PLCB1: variants seen among roughly 807,000 people sequenced by gnomAD.
PLCB1 encodes the protein 1-phosphatidylinositol 4,5-bisphosphate phosphodiesterase beta-1.
In PLCB1, 46 loss-of-function variants were observed where a neutral mutation model predicts 161.8. The observed-to-expected ratio is 0.28, with a 90% CI of 0.22 to 0.36. The LOEUF (loss-of-function observed/expected upper bound fraction) is 0.36, where lower values mean the gene tolerates loss of function less well. Ranked by LOEUF, PLCB1 falls within the 10% of genes least tolerant of loss-of-function variation. The probability of loss-of-function intolerance (pLI) is 1.00; values close to 1 mark genes in which losing one functional copy is unlikely to be tolerated. For synonymous variants in PLCB1, 517 were observed against 503.7 expected (o/e 1.03, Z -0.35); for missense variants, 1,016 against 1,472.5 (o/e 0.69, Z 5.07).
chr20:8,813,627 C>T (rs547971436), intron 31 of PLCB1, among the ~76,000 whole-genome samples: 14 of 152,052 alleles, frequency 9.2e-5, no homozygotes, highest in Non-Finnish European at 1.6e-4. Flanking sequence ...CCAAGGAAAT[C>T]GAAATCAGCC....
intron 3 of PLCB1, among the ~76,000 whole-genome samples, chr20:8,552,627 T>C (rs1162727837): frequency 6.6e-6 from 1 of 152,182 alleles, no homozygotes; most frequent in African/African-American, 2.4e-5. Flanking sequence ...GGCTCTGCTT[T>C]TTTTCTGGAT....
At chr20:8,206,879 T>C (rs531847555) in intron 2 of PLCB1, among the ~76,000 whole-genome samples, 8 of 152,132 alleles carry the variant, frequency 5.3e-5, no homozygotes, top group Middle Eastern at 3.4e-3. Context: ...ACATAAATCA[T>C]GATATTTCAG....
intron 9 of PLCB1, among the ~76,000 whole-genome samples, chr20:8,677,409 A>T (rs2123378368): frequency 6.6e-6 from 1 of 152,306 alleles, no homozygotes; most frequent in South Asian, 2.1e-4. Flanking sequence ...CAGTCTCAAA[A>T]CAAAGTTTAA....
chr20:8,187,873 T>C (rs2051923209), intron 2 of PLCB1, among the ~76,000 whole-genome samples: 3 of 152,152 alleles, frequency 2.0e-5, no homozygotes, highest in Non-Finnish European at 2.9e-5. Context: ...GTGTTATGTG[T>C]GACTGTGTAC....
intron 2 of PLCB1, among the ~76,000 whole-genome samples, chr20:8,301,424 A>T (rs1983908006): frequency 1.3e-5 from 2 of 152,242 alleles, no homozygotes; most frequent in African/African-American, 4.8e-5. Context: ...CTAGCAAATT[A>T]TTAATGCAAA....
At chr20:8,721,342 A>C (rs981461770) in intron 14 of PLCB1, among the ~76,000 whole-genome samples, 3 of 152,216 alleles carry the variant, frequency 2.0e-5, no homozygotes, top group African/African-American at 7.2e-5. Flanking sequence ...GTGAGCCCTG[A>C]AAGATAGTAG....
intron 2 of PLCB1, among the ~76,000 whole-genome samples, chr20:8,258,254 A>G (rs755280536): frequency 2.0e-5 from 3 of 152,198 alleles, no homozygotes; most frequent in Non-Finnish European, 2.9e-5. Flanking sequence ...CTAAAAATGT[A>G]CCAACCATAA....
chr20:8,651,714 C>G, intron 7 of PLCB1: 1 of 472,906 alleles, frequency 2.1e-6, no homozygotes, highest in Non-Finnish European at 3.8e-6. Context: ...ATAAGCATGC[C>G]AACAAATGCG....
chr20:8,474,827 C>T (rs1982201956), intron 3 of PLCB1, among the ~76,000 whole-genome samples: 1 of 152,076 alleles, frequency 6.6e-6, no homozygotes, highest in Non-Finnish European at 1.5e-5. Context: ...TAAGTGTGAC[C>T]ACAATTGATG....
At chr20:8,716,085 C>A in intron 12 of PLCB1, 179 bp from the exon 13 acceptor site, 3 of 598,388 alleles carry the variant, frequency 5.0e-6, no homozygotes, top group South Asian at 4.2e-5. Context: ...CGCTGTCCAT[C>A]TGTGTATGTT....
intron 2 of PLCB1, among the ~76,000 whole-genome samples, chr20:8,274,516 A>G (rs1205181058): frequency 2.6e-5 from 4 of 151,754 alleles, no homozygotes; most frequent in Non-Finnish European, 1.5e-5. Context: ...TAAAACATTC[A>G]TGGTGACTTG....
intron 2 of PLCB1, among the ~76,000 whole-genome samples, chr20:8,296,153 C>T (rs962619331): frequency 6.6e-6 from 1 of 152,122 alleles, no homozygotes; most frequent in African/African-American, 2.4e-5. Context: ...ATGTGGTGTT[C>T]TGTCAGTAAT....
chr20:8,867,247 A>G (rs897634156), intron 31 of PLCB1, among the ~76,000 whole-genome samples: 8 of 152,018 alleles, frequency 5.3e-5, no homozygotes, highest in Non-Finnish European at 1.0e-4. Flanking sequence ...CAATGAGGAG[A>G]CTCTGATCCA....
intron 3 of PLCB1, among the ~76,000 whole-genome samples, chr20:8,515,486 T>C (rs1313930663): frequency 6.6e-6 from 1 of 152,202 alleles, no homozygotes; most frequent in Admixed American, 6.5e-5. Context: ...GAGGCTGCTT[T>C]CCTATATCCC....
At chr20:8,188,799 TC>T (rs2051934454) in intron 2 of PLCB1, among the ~76,000 whole-genome samples, 1 of 152,124 alleles carries the variant, frequency 6.6e-6, no homozygotes, top group Non-Finnish European at 1.5e-5. Context: ...CGTTAACATA[TC>T]AGCTTTGAAT....
At chr20:8,790,041 G>A (rs1164257475) in intron 30 of PLCB1, 134 bp from the exon 31 acceptor site, 1 of 635,188 alleles carries the variant, frequency 1.6e-6, no homozygotes, top group Non-Finnish European at 2.8e-6. Context: ...TCCTATACTT[G>A]TAAGTGTAGT....
chr20:8,606,462 C>T (rs114937770), intron 3 of PLCB1, among the ~76,000 whole-genome samples: 313 of 152,230 alleles, frequency 2.1e-3, no homozygotes, highest in African/African-American at 7.1e-3. Flanking sequence ...CCACAAGGTG[C>T]CTGACACGGA....
At chr20:8,706,438 C>T (rs1978679708) in intron 11 of PLCB1, among the ~76,000 whole-genome samples, 1 of 152,160 alleles carries the variant, frequency 6.6e-6, no homozygotes, top group Non-Finnish European at 1.5e-5. Context: ...GGTGCTGACA[C>T]TTGACTGTAC....
chr20:8,550,419 T>C (rs1985735140), intron 3 of PLCB1, among the ~76,000 whole-genome samples: 1 of 152,044 alleles, frequency 6.6e-6, no homozygotes, highest in Non-Finnish European at 1.5e-5. Flanking sequence ...CGGTAGTGAG[T>C]GAGTTCTCAT....
Sources: allele counts gnomAD v4.1 joint callset (sites outside exome capture counted in the v4.1 genomes callset), GRCh38; gene constraint gnomAD v4.1.1; transcripts MANE v1.5; gene names NCBI Gene and HGNC (gene_info 2026-07-23, HGNC 2026-07-21).